CDH13: variants seen among roughly 807,000 people sequenced by gnomAD.
The protein encoded by CDH13 is cadherin-13.
CDH13 carries 24 observed loss-of-function variants against 63.8 expected under a neutral mutation model. That is an observed-to-expected ratio of 0.38 (90% CI 0.27 to 0.53). The LOEUF (loss-of-function observed/expected upper bound fraction) is 0.53, where lower values mean the gene tolerates loss of function less well. Among genes scored for constraint, CDH13 ranks in the 20% least tolerant of loss-of-function variants. CDH13 has a pLI of 0.85. For missense variants in CDH13, 1,049 were observed against 903.1 expected (o/e 1.16, Z -2.07); for synonymous variants, 503 against 355.3 (o/e 1.42, Z -4.67).
rs545349808 is a variant in CDH13 at position 82,759,656 on chromosome 16, A to G, written c.46-98706A>G. Among the ~76,000 whole-genome samples the G allele has an allele frequency of 2.6e-5, 4 of 152,004 alleles. No homozygotes were observed. In the South Asian group the frequency reaches 8.3e-4, roughly 32 times the overall value. On this transcript the variant is annotated intron_variant, in intron 1 of 13. Transcript: ENST00000567109. ...ATATGCAGTATTCCATAGAAAATTG[A>G]TATTTTGCCTTAACAAGAAGCGGCA...
chr16:83,048,122 T>A (rs558908348), intron 3 of CDH13, among the ~76,000 whole-genome samples: 4 of 152,322 alleles, frequency 2.6e-5, no homozygotes, highest in African/African-American at 9.6e-5. Context: ...GGAGAATGAT[T>A]TCCGCATGCA....
At chr16:83,485,670 G>T (rs1234335857) in intron 6 of CDH13, among the ~76,000 whole-genome samples, 1 of 152,010 alleles carries the variant, frequency 6.6e-6, no homozygotes, top group Non-Finnish European at 1.5e-5. Context: ...GACTAGATAA[G>T]GTTGTTCATC....
chr16:83,697,638 T>G, intron 10 of CDH13, among the ~76,000 whole-genome samples: 1 of 152,170 alleles, frequency 6.6e-6, no homozygotes, highest in Non-Finnish European at 1.5e-5. Flanking sequence ...AACCTAACCG[T>G]GTATTCTTCC....
At chr16:83,520,383 G>A (rs992495210) in intron 7 of CDH13, among the ~76,000 whole-genome samples, 4 of 152,178 alleles carry the variant, frequency 2.6e-5, no homozygotes, top group African/African-American at 9.6e-5. Context: ...GTTAGGAGAG[G>A]ACATAGGAAA....
At chr16:83,230,751 C>T (rs2039979347) in intron 5 of CDH13, among the ~76,000 whole-genome samples, 1 of 152,208 alleles carries the variant, frequency 6.6e-6, no homozygotes, top group Admixed American at 6.5e-5. Context: ...CATGCCATTG[C>T]TCTCCAGTCT....
chr16:83,305,478 G>T (rs535787466), intron 5 of CDH13, among the ~76,000 whole-genome samples: 116 of 152,320 alleles, frequency 7.6e-4, no homozygotes, highest in African/African-American at 2.6e-3. Flanking sequence ...CCCAAAATAT[G>T]TATATGTCAT....
chr16:83,068,509 A>G (rs1224657649), intron 3 of CDH13, among the ~76,000 whole-genome samples: 1 of 152,164 alleles, frequency 6.6e-6, no homozygotes, highest in Non-Finnish European at 1.5e-5. Flanking sequence ...ATGCGGTACA[A>G]TTCTCACACT....
At chr16:83,720,318 T>C (rs2150935179) in intron 10 of CDH13, among the ~76,000 whole-genome samples, 1 of 152,110 alleles carries the variant, frequency 6.6e-6, no homozygotes, top group South Asian at 2.1e-4. Flanking sequence ...TGCACACACA[T>C]GCACACACAT....
At chr16:83,672,481 G>A (rs12449196) in intron 9 of CDH13, among the ~76,000 whole-genome samples, 16,742 of 132,632 alleles carry the variant, frequency 0.13, 1,103 homozygotes, top group Middle Eastern at 0.26. Flanking sequence ...CTGGAGTGCA[G>A]TGGCCTGATC....
chr16:82,836,210 G>A lies in CDH13; in HGVS notation c.46-22152G>A, dbSNP rs140141370. ...GGCGCCCAGGCTGGAGTGCAGTGGC[G>A]CGATCTCGGCTCACTGCAACCTCCA... On this transcript the variant is annotated intron_variant, in intron 1 of 13. Transcript: ENST00000567109. Among the ~76,000 whole-genome samples the A allele has an allele frequency of 4.2e-3, 635 of 152,202 alleles. 6 individuals are homozygous for A. Among genetic ancestry groups the A allele is most frequent in the Admixed American group, 6.2e-3 (95 of 15,290 alleles).
chr16:82,950,568 T>C (rs1048967300), intron 2 of CDH13, among the ~76,000 whole-genome samples: 3 of 152,196 alleles, frequency 2.0e-5, no homozygotes, highest in Admixed American at 6.5e-5. Flanking sequence ...TTGCTGCTGA[T>C]GTAAGATGTG....
rs1168012793 is a variant in CDH13 at position 83,646,712 on chromosome 16, A to AAAAAAAAC, written c.1102-24077_1102-24076insAAAAAACA. On this transcript the variant is annotated intron_variant, in intron 8 of 13. Transcript: ENST00000567109. The stretch of plus-strand genomic sequence containing the variant: ...CGTCTCAAAAAAAAAAAAAAAAAAA[A>AAAAAAAAC]ACACACACACACACACACACACACA... Among the ~76,000 whole-genome samples the AAAAAAAAC allele has an allele frequency of 4.7e-4, 38 of 80,516 alleles. 1 individual carries two copies. The highest frequency in any genetic ancestry group is 5.9e-4 in the African/African-American group (13 of 22,172). The allele number at this position is 80,516 out of a possible 152,430, so 52.8% of individuals were successfully genotyped here.
At chr16:83,166,556 C>G (rs1222665259) in intron 4 of CDH13, among the ~76,000 whole-genome samples, 1 of 152,098 alleles carries the variant, frequency 6.6e-6, no homozygotes, top group African/African-American at 2.4e-5. Flanking sequence ...TCTGAGCCAG[C>G]TTCCATTGAC....
At chr16:82,715,487 A>G (rs553562660) in intron 1 of CDH13, among the ~76,000 whole-genome samples, 1 of 152,256 alleles carries the variant, frequency 6.6e-6, no homozygotes, top group African/African-American at 2.4e-5. Context: ...TGCCTAAGAA[A>G]AGCCGCAAAG....
At chr16:82,736,959 G>C (rs943414413) in intron 1 of CDH13, among the ~76,000 whole-genome samples, 10 of 152,100 alleles carry the variant, frequency 6.6e-5, no homozygotes, top group South Asian at 4.1e-4. Context: ...CCTCCCCTCT[G>C]AATATTCCTT....
intron 8 of CDH13, among the ~76,000 whole-genome samples, chr16:83,617,863 C>A (rs1909428660): frequency 6.6e-6 from 1 of 152,010 alleles, no homozygotes; most frequent in Non-Finnish European, 1.5e-5. Flanking sequence ...CTAATACGTA[C>A]ATATTCTGTT....
chr16:83,689,011 A>T (rs1354538430), intron 10 of CDH13, among the ~76,000 whole-genome samples: 1 of 152,228 alleles, frequency 6.6e-6, no homozygotes, highest in Non-Finnish European at 1.5e-5. Flanking sequence ...AGTTTGGCTA[A>T]TATGAAACAT....
At chr16:83,129,198 G>A (rs955543680) in intron 4 of CDH13, among the ~76,000 whole-genome samples, 1 of 152,180 alleles carries the variant, frequency 6.6e-6, no homozygotes, top group Non-Finnish European at 1.5e-5. Context: ...GAAGACCACA[G>A]AGGCAGAGCT....
At chr16:82,873,060 C>A (rs1012159806) in intron 2 of CDH13, among the ~76,000 whole-genome samples, 1 of 152,168 alleles carries the variant, frequency 6.6e-6, no homozygotes, top group African/African-American at 2.4e-5. Context: ...GAGATTTCTG[C>A]ATGGCTGCTG....
Sources: gnomAD v4.1 joint callset for allele counts (sites outside exome capture counted in the v4.1 genomes callset) on GRCh38, gnomAD v4.1.1 for gene constraint, MANE v1.5 for transcripts, NCBI Gene and HGNC (gene_info 2026-07-23, HGNC 2026-07-21) for gene names.